ORC3: variants seen among roughly 807,000 people sequenced by gnomAD.
ORC3 encodes homolog of latheo, Drosophila.
Under a neutral mutation model 100.7 loss-of-function variants are expected in ORC3, and 78 were observed. The ratio of observed to expected loss-of-function variants is 0.77; its 90% CI spans 0.65 to 0.94. The LOEUF (loss-of-function observed/expected upper bound fraction) is 0.94, where lower values mean the gene tolerates loss of function less well. Among genes scored for constraint, ORC3 ranks in the 40% least tolerant of loss-of-function variants. The pLI, the probability that ORC3 is intolerant of heterozygous loss-of-function variation, is 0.00. For synonymous variants in ORC3, 295 were observed against 289.3 expected, an observed-to-expected ratio of 1.02 and a Z score of -0.20; for missense variants, 789 against 823.9, an observed-to-expected ratio of 0.96 and a Z score of 0.52.
intron 13 of ORC3, among the ~76,000 whole-genome samples, chr6:87,640,992 C>T (rs1270719756): frequency 6.6e-6 from 1 of 151,976 alleles, no homozygotes; most frequent in African/African-American, 2.4e-5. Context: ...ACCTCTAATC[C>T]CAGCTACTCG....
chr6:87,600,475 A>G (rs1411408414), intron 2 of ORC3, among the ~76,000 whole-genome samples: 9 of 152,306 alleles, frequency 5.9e-5, no homozygotes, highest in Middle Eastern at 3.4e-3. Context: ...ATTACTGTAA[A>G]ATTAATTTGA....
chr6:87,598,996 G>C (rs1261296554), intron 2 of ORC3, among the ~76,000 whole-genome samples: 1 of 152,200 alleles, frequency 6.6e-6, no homozygotes, highest in African/African-American at 2.4e-5. Flanking sequence ...ACTGGCAGCA[G>C]CACTGGCACT....
At chr6:87,618,446 A>C (rs944958880) in intron 9 of ORC3, among the ~76,000 whole-genome samples, 1 of 151,966 alleles carries the variant, frequency 6.6e-6, no homozygotes, top group African/African-American at 2.4e-5. Flanking sequence ...TCTGCCTTCA[A>C]ATTGTTATTT....
rs953881865 is a variant in ORC3 at position 87,621,620 on chromosome 6, T to A, written c.1121+133T>A. 1.3e-5 allele frequency: 9 copies of A among 698,086 alleles called. No homozygotes were observed. The African/African-American group carries it at 1.7e-4, about 13-fold the overall frequency. 43.2% of individuals were successfully genotyped at this position (698,086 alleles called of 1,614,324 possible). A position where few individuals can be genotyped will look rare whatever the true frequency, so the allele number is the denominator to read the frequency against. ...TCTGTTTTTAATTGTGGGATTTCCC[T>A]TGTTGGATTTGAAAATTTGGCAAAA... is the stretch of plus-strand genomic sequence containing the variant. On this transcript the variant is annotated intron_variant, in intron 10 of 19. Coordinates refer to ENST00000392844, the MANE Select transcript of ORC3 (RefSeq NM_012381.4).
At chr6:87,614,209 T>C (rs923602261) in intron 8 of ORC3, among the ~76,000 whole-genome samples, 1 of 152,188 alleles carries the variant, frequency 6.6e-6, no homozygotes, top group African/African-American at 2.4e-5. Context: ...TGCCAGGGCT[T>C]GGGGCTTGCA....
chr6:87,618,997 G>T (rs774114261), intron 9 of ORC3, among the ~76,000 whole-genome samples: 4 of 152,140 alleles, frequency 2.6e-5, no homozygotes, highest in Non-Finnish European at 5.9e-5. Flanking sequence ...AGAAAGATTT[G>T]GACTGGAAAT....
rs920686899 is a variant in ORC3 at position 87,656,047 on chromosome 6, A to T, written c.1517-859A>T. On this transcript the variant is annotated intron_variant, in intron 14 of 19. Transcript: ENST00000392844. ...GTGGGGTTCACAAAACCCAACCTGC[A>T]CTTGAAGAAGAATATGAGAGCATTA... is the stretch of plus-strand genomic sequence containing the variant. Among the ~76,000 whole-genome samples the T allele has an allele frequency of 1.2e-4, 19 of 152,176 alleles. 1 individual carries two copies. Among genetic ancestry groups the T allele is most frequent in the Admixed American group, 6.5e-4 (10 of 15,274 alleles).
intron 13 of ORC3, among the ~76,000 whole-genome samples, chr6:87,637,718 T>G (rs912817144): frequency 2.0e-5 from 3 of 152,222 alleles, no homozygotes; most frequent in African/African-American, 7.2e-5. Flanking sequence ...TTCTTTTTGT[T>G]CTGAACCTCC....
chr6:87,651,937 T>C (rs1251798867), intron 13 of ORC3, among the ~76,000 whole-genome samples: 2 of 151,798 alleles, frequency 1.3e-5, no homozygotes, highest in African/African-American at 2.4e-5. Flanking sequence ...CTCACTCTGT[T>C]GCCCAGGCTG....
chr6:87,592,406 G>A (rs1777098284), intron 1 of ORC3, among the ~76,000 whole-genome samples: 1 of 152,088 alleles, frequency 6.6e-6, no homozygotes, highest in African/African-American at 2.4e-5. Flanking sequence ...CGAGGTGGGT[G>A]GATCATCTGA....
Position 87,616,377 on chromosome 6 carries a change from A to T in ORC3, c.937A>T (p.Ile313Phe). 1.9e-6 allele frequency: 3 copies of T among 1,547,382 alleles called. No homozygotes were observed. Among genetic ancestry groups the T allele is most frequent in the Non-Finnish European group, 2.7e-6 (3 of 1,119,756 alleles). ...NEKVLQVLTN[I>F]FLYHDFSVQN... ...AAAAGTATTACAGGTTCTGACCAAC[A>T]TCTTTTTGTATCATGATTTCTCAGT... Residue 313 changes from isoleucine to phenylalanine, a missense_variant, in exon 9 of 20, where the codon ATC becomes TTC. Physicochemically the swap from Ile to Phe is conservative, Grantham distance 21. This residue lies in a region of ORC3 where 399 missense variants were observed against 382.0 expected (regional missense o/e 1.04). Transcript: ENST00000392844.
At chr6:87,664,956 CT>C (rs757509969) in intron 18 of ORC3, 97 bp downstream of exon 18, 237 of 722,680 alleles carry the variant, frequency 3.3e-4, no homozygotes, top group Non-Finnish European at 5.0e-4. Flanking sequence ...TGGAATTTAT[CT>C]TGTGTTTAAT....
intron 7 of ORC3, among the ~76,000 whole-genome samples, chr6:87,610,539 A>ATT (rs1186151553): frequency 1.4e-5 from 2 of 148,002 alleles, no homozygotes; most frequent in East Asian, 2.0e-4. Flanking sequence ...AATATACTTT[A>ATT]TTTTTTTTTA....
chr6:87,590,184 A>G lies in ORC3; in HGVS notation c.16A>G (p.Met6Val). The G allele has an allele frequency of 2.5e-6, 4 of 1,614,050 alleles. No individual in the cohort carries two copies. Among genetic ancestry groups the G allele is most frequent in the Admixed American group, 1.7e-5 (1 of 60,028 alleles). Residue 6 changes from methionine (M) to valine (V), a missense_variant, in exon 1 of 20, where the codon ATG becomes GTG. Physicochemically the swap from Met to Val is conservative, Grantham distance 21. Transcript: ENST00000392844. Reference sequence around the variant, plus strand: ...CAGTAAGACCATGGCTACGTCCTCGATGTCTAAGGTATGTGGTGGCCGATG... The same window carrying G: ...CAGTAAGACCATGGCTACGTCCTCGGTGTCTAAGGTATGTGGTGGCCGATG... Reference protein sequence around the residue: MATSSMSKGCFVFKPN... With the variant: MATSSVSKGCFVFKPN...
At chr6:87,673,150 A>C in the ORC3 span, among the ~76,000 whole-genome samples, 2 of 143,872 alleles carry the variant, frequency 1.4e-5, no homozygotes, top group South Asian at 4.3e-4. Flanking sequence ...AGCAAAAAAA[A>C]AAAATTTTTT....
At chr6:87,629,113 C>T (rs918642740) in intron 11 of ORC3, among the ~76,000 whole-genome samples, 1 of 152,098 alleles carries the variant, frequency 6.6e-6, no homozygotes, top group Non-Finnish European at 1.5e-5. Context: ...TATTAGATAG[C>T]AGTAATATGC....
At chr6:87,627,341 G>T (rs1305417568) in intron 11 of ORC3, among the ~76,000 whole-genome samples, 2 of 134,634 alleles carry the variant, frequency 1.5e-5, no homozygotes, top group African/African-American at 5.7e-5. Context: ...TATCGCCCAG[G>T]CTAGAGTGTA....
rs539351026 is a variant in ORC3, at chr6:87,649,683, T to C, written c.1383-3433T>C. ...ATCGCCTGAACCCAGGAGGCAGAGG[T>C]TGCGGTGAGCTGAGATTGCACCATT... On this transcript the variant is annotated intron_variant, in intron 13 of 19. Transcript: ENST00000392844. 2.0e-5 allele frequency among the ~76,000 whole-genome samples: 3 copies of C among 151,742 alleles called. No homozygotes were observed. In the South Asian group the frequency reaches 6.3e-4, roughly 32 times the overall value.
At chr6:87,672,977 TC>T in the ORC3 span, among the ~76,000 whole-genome samples, 1 of 152,068 alleles carries the variant, frequency 6.6e-6, no homozygotes, top group Non-Finnish European at 1.5e-5. Flanking sequence ...ACAAGCAATT[TC>T]AGGGATTTGG....
Sources: allele counts gnomAD v4.1 joint callset (sites outside exome capture counted in the v4.1 genomes callset), GRCh38; gene constraint gnomAD v4.1.1; regional missense constraint gnomAD v4.1.1; transcripts MANE v1.5; gene names NCBI Gene and HGNC (gene_info 2026-07-23, HGNC 2026-07-21).